The following GREB1L variants were observed in gnomAD, a reference collection of about 807,000 sequenced individuals.
GREB1L encodes the protein GREB1 like retinoic acid receptor coactivator.
A neutral mutation model predicts 200.8 loss-of-function variants in GREB1L; 17 were observed. The ratio of observed to expected loss-of-function variants is 0.08; its 90% CI spans 0.06 to 0.13. GREB1L has a LOEUF of 0.13. GREB1L is among the 10% of genes least tolerant of loss of function. The pLI, the probability that GREB1L is intolerant of heterozygous loss-of-function variation, is 1.00. For missense variants in GREB1L, 1,657 were observed against 2,367.7 expected, an observed-to-expected ratio of 0.70 and a Z score of 6.23; for synonymous variants, 789 against 893.0, an observed-to-expected ratio of 0.88 and a Z score of 2.08.
intron 1 of GREB1L, among the ~76,000 whole-genome samples, chr18:21,288,748 T>C (rs961028628): frequency 7.9e-5 from 12 of 151,852 alleles, no homozygotes; most frequent in Non-Finnish European, 1.6e-4. Flanking sequence ...TTTTTTTTTT[T>C]ATTTTTGAGA....
At chr18:21,486,823 T>G (rs2145823422) in intron 18 of GREB1L, among the ~76,000 whole-genome samples, 1 of 152,294 alleles carries the variant, frequency 6.6e-6, no homozygotes, top group East Asian at 1.9e-4. Flanking sequence ...TGGGCTTTAT[T>G]TTATGGGGCA....
intron 10 of GREB1L, among the ~76,000 whole-genome samples, chr18:21,443,874 A>G (rs182501766): frequency 6.6e-6 from 1 of 152,340 alleles, no homozygotes; most frequent in East Asian, 1.9e-4. Flanking sequence ...CACGTCATTC[A>G]CATGAATTCA....
At chr18:21,252,070 A>T (rs1366139350) in intron 1 of GREB1L, among the ~76,000 whole-genome samples, 1 of 152,208 alleles carries the variant, frequency 6.6e-6, no homozygotes, top group African/African-American at 2.4e-5. Context: ...CTATTCACAG[A>T]ACCACTATTC....
chr18:21,268,020 G>C (rs1286451257), intron 1 of GREB1L, among the ~76,000 whole-genome samples: 1 of 152,152 alleles, frequency 6.6e-6, no homozygotes, highest in Non-Finnish European at 1.5e-5. Context: ...CACATTGGCA[G>C]CCTTGACTTC....
intron 1 of GREB1L, among the ~76,000 whole-genome samples, chr18:21,251,456 C>T (rs1387068387): frequency 6.6e-6 from 1 of 152,116 alleles, no homozygotes; most frequent in Admixed American, 6.5e-5. Flanking sequence ...TCTATAGCAT[C>T]TGTATTCCAC....
chr18:21,405,620 G>A (rs1439325572), intron 7 of GREB1L, among the ~76,000 whole-genome samples: 1 of 152,082 alleles, frequency 6.6e-6, no homozygotes, highest in East Asian at 1.9e-4. Flanking sequence ...GGCCAACATG[G>A]CAAAACCCCG....
chr18:21,515,477 C>T lies in GREB1L; in HGVS notation c.4962C>T (p.His1654=). Residue 1654 remains histidine, a synonymous_variant, in exon 29 of 33, where the codon CAC becomes CAT. Transcript: ENST00000424526. ...TGTCCTTGAAGACTGTCTTGCAGCA[C>T]ATTGAAGCCACACCAAAAATTGTCC... is the stretch of plus-strand genomic sequence containing the variant. ...KNVSLKTVLQ[H]IEATPKIVHY... 3 of 1,551,656 alleles carry T rather than the reference C, an allele frequency of 1.9e-6. No homozygotes were observed. The highest frequency in any genetic ancestry group is 2.6e-6 in the Non-Finnish European group (3 of 1,146,976).
At chr18:21,484,791 C>A (rs771756733) in intron 17 of GREB1L, among the ~76,000 whole-genome samples, 1 of 152,074 alleles carries the variant, frequency 6.6e-6, no homozygotes, top group Non-Finnish European at 1.5e-5. Flanking sequence ...CCATTGCACT[C>A]CAGCCTGGGC....
chr18:21,497,645 A>G (rs889435722), intron 21 of GREB1L, among the ~76,000 whole-genome samples: 1 of 150,760 alleles, frequency 6.6e-6, no homozygotes, highest in Non-Finnish European at 1.5e-5. Flanking sequence ...ACTCTGTCTC[A>G]AAAAAAAAGA....
chr18:21,443,394 A>G (rs1389887118), intron 10 of GREB1L, among the ~76,000 whole-genome samples: 5 of 151,484 alleles, frequency 3.3e-5, no homozygotes, highest in Admixed American at 2.6e-4. Flanking sequence ...TTTCGCCTCT[A>G]CTAAAGGTGA....
At chr18:21,464,425 T>C (rs758935870) in intron 15 of GREB1L, among the ~76,000 whole-genome samples, 3 of 150,512 alleles carry the variant, frequency 2.0e-5, no homozygotes, top group Non-Finnish European at 2.9e-5. Flanking sequence ...ATGCCTGTAA[T>C]CCCAGCTACT....
chr18:21,309,259 G>C (rs2038753011), intron 1 of GREB1L, among the ~76,000 whole-genome samples: 1 of 152,202 alleles, frequency 6.6e-6, no homozygotes, highest in South Asian at 2.1e-4. Flanking sequence ...ACCTTAGGCT[G>C]TAGACTTTTC....
chr18:21,467,750 C>T (rs1427412820), intron 15 of GREB1L, among the ~76,000 whole-genome samples: 13 of 152,104 alleles, frequency 8.5e-5, no homozygotes, highest in East Asian at 3.9e-4. Context: ...ATGAGCCGGG[C>T]GCAGTGGCTC....
chr18:21,499,918 C>G lies in GREB1L; in HGVS notation c.3581C>G (p.Ala1194Gly). ...TGTGACTCCCTGGGCCCCCAGATGG[C>G]GAGCAGCACCACCTCCAAGCCGTCA... The part of the protein sequence containing the change: ...QECDSLGPQM[A>G]SSTTSKPSSS... Residue 1194 changes from alanine to glycine, a missense_variant, in exon 22 of 33, where the codon GCG becomes GGG. Around this residue, in one of 9 missense-constraint regions of GREB1L, gnomAD observed 512 missense variants for 668.3 expected, o/e 0.77. Coordinates refer to ENST00000424526, the MANE Select transcript of GREB1L (RefSeq NM_001142966.3). The G allele has an allele frequency of 1.3e-6, 2 of 1,549,152 alleles. No individual in the cohort carries two copies. The highest frequency in any genetic ancestry group is 1.7e-6 in the Non-Finnish European group (2 of 1,145,862).
chr18:21,440,004 G>A (rs1755603453), intron 8 of GREB1L, among the ~76,000 whole-genome samples: 1 of 152,172 alleles, frequency 6.6e-6, no homozygotes, highest in South Asian at 2.1e-4. Context: ...AACTCCACAA[G>A]GTTGTGGGTA....
At chr18:21,451,412 C>A in intron 13 of GREB1L, 1 of 287,812 alleles carries the variant, frequency 3.5e-6, no homozygotes, top group Non-Finnish European at 6.4e-6. Flanking sequence ...TTCTCTCTCC[C>A]TGGAACTCGG....
chr18:21,349,986 C>T (rs2039409803), intron 1 of GREB1L, among the ~76,000 whole-genome samples: 1 of 152,088 alleles, frequency 6.6e-6, no homozygotes, highest in African/African-American at 2.4e-5. Flanking sequence ...CCCAAAATAT[C>T]ACCTCTTGTG....
At chr18:21,483,577 TG>T (rs1267025775) in intron 17 of GREB1L, among the ~76,000 whole-genome samples, 1 of 151,908 alleles carries the variant, frequency 6.6e-6, no homozygotes, top group Non-Finnish European at 1.5e-5. Context: ...AGCAGGGTTT[TG>T]GGGGGGACCT....
At chr18:21,481,709 A>C (rs2035930850) in intron 17 of GREB1L, among the ~76,000 whole-genome samples, 1 of 151,998 alleles carries the variant, frequency 6.6e-6, no homozygotes, top group Non-Finnish European at 1.5e-5. Context: ...TGTTTTGCTC[A>C]GTATGGAGCT....
Sources: gnomAD v4.1 joint callset for allele counts (sites outside exome capture counted in the v4.1 genomes callset) on GRCh38, gnomAD v4.1.1 for gene constraint, gnomAD v4.1.1 regional missense constraint, MANE v1.5 for transcripts, NCBI Gene and HGNC (gene_info 2026-07-23, HGNC 2026-07-21) for gene names.